Variants in MIPOL1 observed in about 807,000 individuals in gnomAD.
The protein encoded by MIPOL1 is mirror-image polydactyly gene 1 protein.
Under a neutral mutation model 60.9 loss-of-function variants are expected in MIPOL1, and 57 were observed. The observed-to-expected ratio is 0.94, with a 90% CI of 0.76 to 1.17. The LOEUF (loss-of-function observed/expected upper bound fraction) is 1.17, where lower values mean the gene tolerates loss of function less well. Among genes scored for constraint, MIPOL1 ranks in the 50% most tolerant of loss-of-function variants. MIPOL1 has a pLI of 0.00. For missense variants in MIPOL1, 551 were observed against 511.6 expected (o/e 1.08, Z -0.74); for synonymous variants, 179 against 168.8 (o/e 1.06, Z -0.47).
At chr14:37,207,331 A>T (rs890861264) in intron 1 of MIPOL1, among the ~76,000 whole-genome samples, 12 of 152,174 alleles carry the variant, frequency 7.9e-5, no homozygotes, top group Middle Eastern at 6.8e-3. Context: ...TTTACCTTCC[A>T]TGATGATTGT....
intron 12 of MIPOL1, among the ~76,000 whole-genome samples, chr14:37,520,424 T>C (rs528935741): frequency 1.3e-5 from 2 of 152,294 alleles, no homozygotes; most frequent in East Asian, 3.9e-4. Context: ...AGTGAGTAGC[T>C]TAATAAGCCA....
intron 11 of MIPOL1, chr14:37,423,889 A>C (rs2093917896): frequency 6.6e-6 from 1 of 152,140 alleles, no homozygotes; most frequent in Admixed American, 6.6e-5. Flanking sequence ...TCTAGCAGCA[A>C]GTCCATTAAC....
chr14:37,434,965 C>T (rs531925329), intron 11 of MIPOL1, among the ~76,000 whole-genome samples: 1 of 152,092 alleles, frequency 6.6e-6, no homozygotes, highest in Non-Finnish European at 1.5e-5. Flanking sequence ...ATCACACGTG[C>T]ATTTCAACAA....
chr14:37,501,542 C>T (rs1468986706), intron 12 of MIPOL1: 2 of 152,110 alleles, frequency 1.3e-5, no homozygotes. Context: ...ATCATCATTT[C>T]ATTTAAAAAA....
intron 10 of MIPOL1, 70 bp from the exon 11 acceptor site, chr14:37,422,785 C>A (rs1389860471): frequency 1.0e-6 from 1 of 971,328 alleles, no homozygotes; most frequent in East Asian, 2.7e-5. Flanking sequence ...GACTACTGTT[C>A]TTACCGTGGT....
intron 10 of MIPOL1, among the ~76,000 whole-genome samples, chr14:37,402,702 G>A (rs1204367531): frequency 6.6e-6 from 1 of 152,156 alleles, no homozygotes; most frequent in Admixed American, 6.6e-5. Context: ...CAAAAAGGCA[G>A]CATTTAGAAG....
At chr14:37,343,660 G>A (rs1595259899) in intron 9 of MIPOL1, among the ~76,000 whole-genome samples, 1 of 152,110 alleles carries the variant, frequency 6.6e-6, no homozygotes, top group South Asian at 2.1e-4. Context: ...GAACTTTTTT[G>A]TTAGGAACTT....
chr14:37,415,439 G>A (rs1056979417), intron 10 of MIPOL1, among the ~76,000 whole-genome samples: 5 of 151,724 alleles, frequency 3.3e-5, no homozygotes, highest in Non-Finnish European at 5.9e-5. Flanking sequence ...TGGCTAACAC[G>A]GTGAAACCCC....
At chr14:37,229,327 G>A (rs952146788) in intron 1 of MIPOL1, among the ~76,000 whole-genome samples, 2 of 152,024 alleles carry the variant, frequency 1.3e-5, no homozygotes, top group Admixed American at 1.3e-4. Context: ...AGTATTTTTT[G>A]TAGAGACGAG....
chr14:37,286,765 T>A (rs541568741), intron 7 of MIPOL1, among the ~76,000 whole-genome samples: 21 of 152,098 alleles, frequency 1.4e-4, no homozygotes, highest in Non-Finnish European at 2.2e-4. Context: ...TTAAACTCAT[T>A]GAAAAAAACA....
At chr14:37,445,029 C>G (rs947469753) in intron 11 of MIPOL1, among the ~76,000 whole-genome samples, 2 of 152,070 alleles carry the variant, frequency 1.3e-5, no homozygotes, top group African/African-American at 4.8e-5. Context: ...ACAGGGATGC[C>G]CTCTCTCACC....
intron 12 of MIPOL1, among the ~76,000 whole-genome samples, chr14:37,537,246 G>T (rs2095510276): frequency 6.6e-6 from 1 of 152,080 alleles, no homozygotes; most frequent in Non-Finnish European, 1.5e-5. Context: ...AGAGAAGAAT[G>T]CTTGATTCTA....
rs140622665 is a variant in MIPOL1 at position 37,487,186 on chromosome 14, G to A, written c.1032-12722G>A. On this transcript the variant is annotated intron_variant, in intron 11 of 12. Coordinates refer to ENST00000684589, the MANE Select transcript of MIPOL1 (RefSeq NM_001388067.1). ...ATCCTTGCATCCCAGGGATGAAGCC[G>A]ACTTGATCGTGGTGGATAAGCTTTT... Among the ~76,000 whole-genome samples, 1,050 of 152,140 alleles carry A rather than the reference G, an allele frequency of 6.9e-3. 12 individuals carry two copies. Among genetic ancestry groups the A allele is most frequent in the African/African-American group, 0.024 (1,011 of 41,516 alleles).
At chr14:37,310,522 C>A (rs1390143801) in intron 9 of MIPOL1, among the ~76,000 whole-genome samples, 1 of 152,150 alleles carries the variant, frequency 6.6e-6, no homozygotes, top group African/African-American at 2.4e-5. Context: ...TAACTACATG[C>A]TTCTATTTAA....
In MIPOL1 at chr14:37,308,390, A is replaced by G. The variant is rs958723580; in HGVS notation, c.699A>G (p.Thr233=). ...TGAACAGAATAAACAATGCAGACAC[A>G]GGGATAGCTATTCAGAAGAATGGAG... ...ELLNRINNAD[T]GIAIQKNGAI... Residue 233 remains threonine (T), a synonymous_variant, in exon 9 of 13, where the codon ACA becomes ACG. Coordinates refer to ENST00000684589, the MANE Select transcript of MIPOL1 (RefSeq NM_001388067.1). 1.9e-6 allele frequency: 3 copies of G among 1,596,106 alleles called. No individual in the cohort carries two copies. Among genetic ancestry groups the G allele is most frequent in the South Asian group, 1.1e-5 (1 of 87,610 alleles).
chr14:37,442,583 T>G (rs1199208827), intron 11 of MIPOL1, among the ~76,000 whole-genome samples: 1 of 152,022 alleles, frequency 6.6e-6, no homozygotes, highest in Non-Finnish European at 1.5e-5. Flanking sequence ...CCTGAAGGGA[T>G]GTTGAATTTT....
rs186431018 is a variant in MIPOL1 at position 37,359,394 on chromosome 14, G to A, written c.829-10123G>A. 4.6e-5 allele frequency among the ~76,000 whole-genome samples: 7 copies of A among 152,178 alleles called. No homozygotes were observed. In the East Asian group the frequency reaches 5.8e-4, roughly 13 times the overall value. On this transcript the variant is annotated intron_variant, in intron 9 of 12. Transcript: ENST00000684589. ...AAGAAAGTCAGTGGTAGCTTGATGC[G>A]GATAGCATTGAATCTATAAATTACC...
At chr14:37,318,820 T>TTAGTTAGTTAG (rs1555393156) in intron 9 of MIPOL1, among the ~76,000 whole-genome samples, 1 of 147,208 alleles carries the variant, frequency 6.8e-6, no homozygotes, top group African/African-American at 2.6e-5. Context: ...TATTTATTTA[T>TTAGTTAGTTAG]TTATTTAGTT....
intron 1 of MIPOL1, among the ~76,000 whole-genome samples, chr14:37,243,614 G>C (rs1972692482): frequency 6.6e-6 from 1 of 152,104 alleles, no homozygotes; most frequent in Non-Finnish European, 1.5e-5. Flanking sequence ...TTGTGATTAA[G>C]CTAAGAAAAT....
Sources: allele counts gnomAD v4.1 joint callset (sites outside exome capture counted in the v4.1 genomes callset), GRCh38; gene constraint gnomAD v4.1.1; transcripts MANE v1.5; gene names NCBI Gene and HGNC (gene_info 2026-07-23, HGNC 2026-07-21).